Variants in CBX5 observed in about 807,000 individuals in gnomAD.
CBX5 encodes chromobox 5.
Under a neutral mutation model 20.7 loss-of-function variants are expected in CBX5, and 7 were observed. That is an observed-to-expected ratio of 0.34 (90% CI 0.19 to 0.63). CBX5 has a LOEUF of 0.63. Ranked by LOEUF, CBX5 falls within the 30% of genes least tolerant of loss-of-function variation. The pLI, the probability that CBX5 is intolerant of heterozygous loss-of-function variation, is 0.75. For missense variants in CBX5, 110 were observed against 224.1 expected, an observed-to-expected ratio of 0.49 and a Z score of 3.25; for synonymous variants, 78 against 77.0, an observed-to-expected ratio of 1.01 and a Z score of -0.07.
At chr12:54,274,262 T>C (rs1376063109) in intron 1 of CBX5, 2 of 152,216 alleles carry the variant, frequency 1.3e-5, no homozygotes, top group Admixed American at 1.3e-4. Flanking sequence ...AATCTGCATC[T>C]TGGACTCTGG....
chr12:54,251,699 C>G (rs1943805938), intron 3 of CBX5, among the ~76,000 whole-genome samples: 1 of 152,016 alleles, frequency 6.6e-6, no homozygotes, highest in Non-Finnish European at 1.5e-5. Context: ...CAAAACAAAA[C>G]ATTTCAAAGC....
intron 2 of CBX5, among the ~76,000 whole-genome samples, chr12:54,253,994 G>A (rs969805163): frequency 6.6e-6 from 1 of 152,012 alleles, no homozygotes; most frequent in East Asian, 1.9e-4. Flanking sequence ...CAAGTGATCC[G>A]CCTGCTTCGG....
intron 3 of CBX5, among the ~76,000 whole-genome samples, chr12:54,250,206 A>G (rs1470963821): frequency 6.6e-6 from 1 of 152,022 alleles, no homozygotes; most frequent in Non-Finnish European, 1.5e-5. Context: ...CTGGGCAACA[A>G]GAGTGAAACT....
intron 1 of CBX5, among the ~76,000 whole-genome samples, chr12:54,265,883 C>T (rs1943951390): frequency 6.6e-6 from 1 of 151,878 alleles, no homozygotes; most frequent in South Asian, 2.1e-4. Flanking sequence ...CCCATCTTTA[C>T]TAAAAATACA....
At chr12:54,259,487 G>A (rs958100402) in intron 1 of CBX5, 5 of 152,616 alleles carry the variant, frequency 3.3e-5, no homozygotes, top group African/African-American at 1.2e-4. Flanking sequence ...GAAAATGAAT[G>A]GGGGTTCCCT....
chr12:54,257,296 TA>T (rs1247895906), intron 2 of CBX5, among the ~76,000 whole-genome samples: 1 of 152,222 alleles, frequency 6.6e-6, no homozygotes, highest in African/African-American at 2.4e-5. Context: ...TCTGTGCTCC[TA>T]ACCAATTCAT....
In CBX5 at chr12:54,255,227, G is replaced by C. The variant is rs567387433; in HGVS notation, c.137+2287C>G. ...AGATCGCTTGAACCCAAGAGAGCGA[G>C]ACCAGCCTGGGTAACACAGTGAGAC... On this transcript the variant is annotated intron_variant, in intron 2 of 4. Coordinates refer to ENST00000209875, the MANE Select transcript of CBX5 (RefSeq NM_012117.3). Among the ~76,000 whole-genome samples the C allele has an allele frequency of 2.2e-4, 33 of 152,090 alleles. No homozygotes were observed. The South Asian group carries it at 2.7e-3, about 12-fold the overall frequency.
chr12:54,273,641 CAAAAG>C (rs913664614), intron 1 of CBX5: 2 of 152,096 alleles, frequency 1.3e-5, no homozygotes, highest in African/African-American at 4.8e-5. Context: ...TGCAAGTACT[CAAAAG>C]AGAAGACAAT....
chr12:54,278,269 T>C lies in CBX5; in HGVS notation c.-43+1739A>G, dbSNP rs188102501. Among the ~76,000 whole-genome samples the C allele has an allele frequency of 2.6e-3, 392 of 152,312 alleles. 1 individual carries two copies. The highest frequency in any genetic ancestry group is 8.7e-3 in the African/African-American group (363 of 41,572). On this transcript the variant is annotated intron_variant, in intron 1 of 4. Coordinates refer to ENST00000209875, the MANE Select transcript of CBX5 (RefSeq NM_012117.3). ...CCAACAGTGCTAATGCTGAGAAACC[T>C]TGCTGTAGGTCAAGACTGTATTCCT... is the stretch of plus-strand genomic sequence containing the variant.
At chr12:54,276,934 G>A (rs1354101645) in intron 1 of CBX5, 1 of 152,196 alleles carries the variant, frequency 6.6e-6, no homozygotes, top group East Asian at 1.9e-4. Flanking sequence ...GTGAGGCAAA[G>A]TCTACCTTCT....
At chr12:54,256,479 C>G (rs765350568) in intron 2 of CBX5, among the ~76,000 whole-genome samples, 1 of 152,204 alleles carries the variant, frequency 6.6e-6, no homozygotes. Context: ...AGGTTCTTGA[C>G]ACATAGCCTT....
At chr12:54,272,644 AC>A (rs1402730775) in intron 1 of CBX5, 1 of 152,192 alleles carries the variant, frequency 6.6e-6, no homozygotes, top group Non-Finnish European at 1.5e-5. Context: ...CTGTGTTAAT[AC>A]CCCAAGGAGT....
intron 1 of CBX5, among the ~76,000 whole-genome samples, chr12:54,260,903 C>T (rs545423776): frequency 6.6e-6 from 1 of 152,140 alleles, no homozygotes; most frequent in African/African-American, 2.4e-5. Context: ...GCAAAGAACT[C>T]AGTTGAGCCA....
At chr12:54,265,186 C>T (rs1284610653) in intron 1 of CBX5, among the ~76,000 whole-genome samples, 1 of 152,172 alleles carries the variant, frequency 6.6e-6, no homozygotes, top group Non-Finnish European at 1.5e-5. Flanking sequence ...ATTAAATTGT[C>T]AGCTACAGCA....
rs2137006828 is a variant in CBX5, at chr12:54,238,722, C to T, written c.*3033G>A. 1 of 152,316 alleles carries T rather than the reference C, an allele frequency of 6.6e-6. No homozygotes were observed. Among genetic ancestry groups the T allele is most frequent in the African/African-American group, 2.4e-5 (1 of 41,558 alleles). 9.4% of individuals were successfully genotyped at this position (152,316 alleles called of 1,614,324 possible). On this transcript the variant is annotated 3_prime_UTR_variant, in exon 5 of 5. Transcript: ENST00000209875. ...TGATCTTAACTTGAAGGCCATCTGCCCAGCCCAGCAATCAAAGGGCTGCTA... is the reference window on the plus strand; with the variant it reads ...TGATCTTAACTTGAAGGCCATCTGCTCAGCCCAGCAATCAAAGGGCTGCTA...
intron 1 of CBX5, chr12:54,278,562 A>G (rs947738250): frequency 1.3e-5 from 2 of 152,200 alleles, no homozygotes; most frequent in Non-Finnish European, 2.9e-5. Context: ...GTATTTAAAT[A>G]TTTTCCCTTG....
chr12:54,268,017 G>A (rs755539137), intron 1 of CBX5, among the ~76,000 whole-genome samples: 6 of 152,100 alleles, frequency 3.9e-5, no homozygotes, highest in Non-Finnish European at 7.3e-5. Flanking sequence ...GGTGGTGGGC[G>A]CCTGTAATCC....
At chr12:54,269,840 A>G (rs1056020957) in intron 1 of CBX5, among the ~76,000 whole-genome samples, 2 of 152,176 alleles carry the variant, frequency 1.3e-5, no homozygotes, top group African/African-American at 4.8e-5. Context: ...TTGGCCTCCC[A>G]AAATGTTGAG....
In CBX5 at chr12:54,257,579, C is replaced by T. The variant is rs781484613; in HGVS notation, c.72G>A (p.Lys24=). ...SEDEEEYVVE[K]VLDRRVVKGQ... ...CCTTAACCACGCGCCTGTCTAGCAC[C>T]TTCTCCACAACATACTCCTCCTCAT... is the stretch of plus-strand genomic sequence containing the variant. Residue 24 remains lysine (K), a synonymous_variant, in exon 2 of 5, where the codon AAG becomes AAA. Transcript: ENST00000209875. 6.2e-7 allele frequency: 1 copy of T among 1,614,192 alleles called. No individual in the cohort carries two copies. The highest frequency in any genetic ancestry group is 8.5e-7 in the Non-Finnish European group (1 of 1,180,034).
Sources: gnomAD v4.1 joint callset for allele counts (sites outside exome capture counted in the v4.1 genomes callset) on GRCh38, gnomAD v4.1.1 for gene constraint, MANE v1.5 for transcripts, NCBI Gene and HGNC (gene_info 2026-07-23, HGNC 2026-07-21) for gene names.